Variants in PTPRM observed in about 807,000 individuals in gnomAD.
The protein encoded by PTPRM is protein tyrosine phosphatase receptor type M.
Under a neutral mutation model 186.7 loss-of-function variants are expected in PTPRM, and 47 were observed. That is an observed-to-expected ratio of 0.25 (90% CI 0.20 to 0.32). PTPRM has a LOEUF of 0.32. PTPRM is among the 10% of genes least tolerant of loss of function. The probability of loss-of-function intolerance (pLI) is 1.00; values close to 1 mark genes in which losing one functional copy is unlikely to be tolerated. For missense variants in PTPRM, 1,494 were observed against 1,865.0 expected, an observed-to-expected ratio of 0.80 and a Z score of 3.66; for synonymous variants, 668 against 674.9, an observed-to-expected ratio of 0.99 and a Z score of 0.16.
chr18:8,371,402 A>C (rs946226481), intron 24 of PTPRM, among the ~76,000 whole-genome samples: 4 of 152,130 alleles, frequency 2.6e-5, no homozygotes, highest in African/African-American at 9.7e-5. Context: ...GTAGGGAGTT[A>C]GTATCAGTGT....
chr18:8,383,296 CAAAAAAAAAAAA>C lies in PTPRM; in HGVS notation c.3919-1242_3919-1231del, dbSNP rs59442781. On this transcript the variant is annotated intron_variant, in intron 29 of 32. Coordinates refer to ENST00000580170, the MANE Select transcript of PTPRM (RefSeq NM_001105244.2). Reference sequence around the variant, plus strand: ...CTGGCGACAGAACGAGCTTCTGCCTCAAAAAAAAAAAAAAAAAAAAAAAAAAAAAAAAAAGGT... The same window carrying C: ...CTGGCGACAGAACGAGCTTCTGCCTCAAAAAAAAAAAAAAAAAAAAAAGGT... Among the ~76,000 whole-genome samples, 32 of 30,430 alleles carry C rather than the reference CAAAAAAAAAAAA, an allele frequency of 1.1e-3. No individual in the cohort carries two copies. The South Asian group carries it at 0.027, about 25-fold the overall frequency. The allele number at this position is 30,430 out of a possible 152,430, so 20.0% of individuals were successfully genotyped here.
chr18:7,870,480 C>A (rs1421538488), intron 2 of PTPRM, among the ~76,000 whole-genome samples: 1 of 152,100 alleles, frequency 6.6e-6, no homozygotes, highest in Non-Finnish European at 1.5e-5. Flanking sequence ...GGCTGTGAGT[C>A]AACTGAATAA....
intron 1 of PTPRM, among the ~76,000 whole-genome samples, chr18:7,770,315 T>C (rs561864271): frequency 1.2e-4 from 18 of 152,322 alleles, no homozygotes; most frequent in African/African-American, 3.8e-4. Flanking sequence ...GGCACTTCCA[T>C]GTTTAATAGA....
At chr18:8,046,308 A>C (rs1234655540) in intron 7 of PTPRM, among the ~76,000 whole-genome samples, 1 of 152,224 alleles carries the variant, frequency 6.6e-6, no homozygotes, top group Non-Finnish European at 1.5e-5. Flanking sequence ...ACAGTAAAAA[A>C]GTCTGATATT....
chr18:8,099,820 C>G (rs565885907), intron 11 of PTPRM, among the ~76,000 whole-genome samples: 2 of 152,152 alleles, frequency 1.3e-5, no homozygotes, highest in Non-Finnish European at 2.9e-5. Flanking sequence ...CACAAGAAGA[C>G]TTGGGTTTGA....
rs1013779445 is a variant in PTPRM, at chr18:8,016,566, C to A, written c.1133-53120C>A. ...AAAAAAGAAAAAAAAGAAAAGAAAA[C>A]ACAAGAAAAATATTTGAGAGTCCTC... On this transcript the variant is annotated intron_variant, in intron 7 of 32. Transcript: ENST00000580170. 4.9e-4 allele frequency among the ~76,000 whole-genome samples: 72 copies of A among 146,432 alleles called. 2 individuals are homozygous for A. In the South Asian group the frequency reaches 0.015, roughly 31 times the overall value.
At chr18:7,965,033 CT>C (rs569596603) in intron 7 of PTPRM, among the ~76,000 whole-genome samples, 3,932 of 120,174 alleles carry the variant, frequency 0.033, 118 homozygotes, top group African/African-American at 0.12. Context: ...CACTCTAACA[CT>C]TTTTTTTTTT....
intron 7 of PTPRM, among the ~76,000 whole-genome samples, chr18:7,982,569 A>G (rs1054795420): frequency 1.3e-5 from 2 of 152,116 alleles, no homozygotes; most frequent in African/African-American, 2.4e-5. Flanking sequence ...AGTATTAAAA[A>G]AGTATATTAT....
intron 23 of PTPRM, chr18:8,365,777 C>G (rs1305343319): frequency 6.5e-6 from 1 of 152,710 alleles, no homozygotes; most frequent in Admixed American, 6.5e-5. Flanking sequence ...GACACCCTGC[C>G]TCCTCTCTCC....
intron 14 of PTPRM, among the ~76,000 whole-genome samples, chr18:8,238,266 G>T (rs1252007390): frequency 1.3e-5 from 2 of 152,050 alleles, no homozygotes; most frequent in African/African-American, 4.8e-5. Flanking sequence ...ATGGTTTTGG[G>T]ATATTCTGAC....
intron 14 of PTPRM, among the ~76,000 whole-genome samples, chr18:8,206,669 G>T (rs1369755473): frequency 1.3e-5 from 2 of 152,206 alleles, no homozygotes; most frequent in Non-Finnish European, 2.9e-5. Flanking sequence ...AGGAGATGCA[G>T]ATGATCAATA....
intron 5 of PTPRM, among the ~76,000 whole-genome samples, chr18:7,933,860 C>A (rs148222538): frequency 1.1e-3 from 160 of 152,240 alleles, no homozygotes; most frequent in African/African-American, 3.8e-3. Flanking sequence ...GGCTATATAG[C>A]AAATATCATG....
At chr18:7,785,627 G>A (rs8092383) in intron 2 of PTPRM, among the ~76,000 whole-genome samples, 3,225 of 152,304 alleles carry the variant, frequency 0.021, 96 homozygotes, top group African/African-American at 0.067. Context: ...TGCCAACACA[G>A]TTTTTCTCCA....
At chr18:8,273,194 A>T (rs1277912305) in intron 19 of PTPRM, among the ~76,000 whole-genome samples, 3 of 152,178 alleles carry the variant, frequency 2.0e-5, no homozygotes, top group African/African-American at 7.2e-5. Context: ...ATTGTGGTTC[A>T]TGATAGATTT....
intron 1 of PTPRM, among the ~76,000 whole-genome samples, chr18:7,588,686 A>T (rs1456036068): frequency 6.6e-6 from 1 of 152,238 alleles, no homozygotes; most frequent in East Asian, 1.9e-4. Flanking sequence ...ATTTGGAAAC[A>T]CCAGAAGTAA....
chr18:8,064,115 G>A (rs950045200), intron 7 of PTPRM, among the ~76,000 whole-genome samples: 1 of 151,996 alleles, frequency 6.6e-6, no homozygotes, highest in Admixed American at 6.6e-5. Flanking sequence ...CAAATATGAT[G>A]GAAGTTTAAA....
chr18:8,312,193 G>A (rs612602), intron 20 of PTPRM, among the ~76,000 whole-genome samples: 34,029 of 151,996 alleles, frequency 0.22, 5,547 homozygotes, highest in African/African-American at 0.45. Context: ...TGGCATTGCC[G>A]GTGCTTGTGG....
At chr18:8,266,261 A>G (rs1194828737) in intron 19 of PTPRM, among the ~76,000 whole-genome samples, 1 of 149,358 alleles carries the variant, frequency 6.7e-6, no homozygotes, top group African/African-American at 2.5e-5. Context: ...TCTAATCCCT[A>G]CTCACCCAGT....
chr18:8,170,545 C>G (rs2093384661), intron 14 of PTPRM, among the ~76,000 whole-genome samples: 1 of 150,280 alleles, frequency 6.7e-6, no homozygotes, highest in South Asian at 2.1e-4. Context: ...AGTCTTGGGC[C>G]TATAGGTAAT....
Sources: gnomAD v4.1 joint callset for allele counts (sites outside exome capture counted in the v4.1 genomes callset) on GRCh38, gnomAD v4.1.1 for gene constraint, MANE v1.5 for transcripts, NCBI Gene and HGNC (gene_info 2026-07-23, HGNC 2026-07-21) for gene names.